Variants in LIN28B observed in about 807,000 individuals in gnomAD.
LIN28B encodes the protein protein lin-28 homolog B.
Under a neutral mutation model 21.9 loss-of-function variants are expected in LIN28B, and 5 were observed. The observed-to-expected ratio is 0.23, with a 90% confidence interval of 0.12 to 0.48. LIN28B has a LOEUF of 0.48. Among genes scored for constraint, LIN28B ranks in the 20% least tolerant of loss-of-function variants. LIN28B has a pLI of 0.98. For missense variants in LIN28B, 245 were observed against 310.5 expected (o/e 0.79, Z 1.58); for synonymous variants, 109 against 111.3 (o/e 0.98, Z 0.13).
At chr6:104,989,170 T>C (rs896595548) in intron 2 of LIN28B, among the ~76,000 whole-genome samples, 1 of 152,178 alleles carries the variant, frequency 6.6e-6, no homozygotes, top group African/African-American at 2.4e-5. Context: ...TATTTCTTGA[T>C]TTCTGCTCTT....
intron 2 of LIN28B, among the ~76,000 whole-genome samples, chr6:105,001,030 C>G (rs1770707913): frequency 1.3e-5 from 2 of 152,082 alleles, no homozygotes; most frequent in African/African-American, 4.8e-5. Context: ...TTTGTATTTT[C>G]AGTTTTTTAA....
chr6:105,041,132 G>GACA (rs1219930017), intron 3 of LIN28B, among the ~76,000 whole-genome samples: 2 of 151,462 alleles, frequency 1.3e-5, no homozygotes, highest in South Asian at 2.1e-4. Flanking sequence ...GGCTGTTCTT[G>GACA]AACTCCTGGG....
At chr6:105,032,287 A>C (rs1419931636) in intron 3 of LIN28B, among the ~76,000 whole-genome samples, 1 of 152,106 alleles carries the variant, frequency 6.6e-6, no homozygotes, top group African/African-American at 2.4e-5. Flanking sequence ...ATTGCTGCAT[A>C]ATAAGGTCAT....
chr6:104,962,231 T>C (rs1460842065), intron 2 of LIN28B, among the ~76,000 whole-genome samples: 1 of 152,108 alleles, frequency 6.6e-6, no homozygotes, highest in Non-Finnish European at 1.5e-5. Flanking sequence ...ATTTATTTCA[T>C]AATGTATGCA....
chr6:105,035,237 G>T (rs1350790128), intron 3 of LIN28B, among the ~76,000 whole-genome samples: 3 of 152,090 alleles, frequency 2.0e-5, no homozygotes, highest in African/African-American at 7.2e-5. Context: ...TTATATCCCA[G>T]ATTCTGTTCC....
At chr6:105,045,078 AG>A (rs1158001467) in intron 3 of LIN28B, among the ~76,000 whole-genome samples, 1 of 152,170 alleles carries the variant, frequency 6.6e-6, no homozygotes, top group Non-Finnish European at 1.5e-5. Flanking sequence ...TGTTAGGAGC[AG>A]TAATAGAAGA....
intron 2 of LIN28B, among the ~76,000 whole-genome samples, chr6:104,990,160 T>G (rs1252228589): frequency 6.6e-6 from 1 of 151,782 alleles, no homozygotes; most frequent in African/African-American, 2.4e-5. Context: ...CACATTTAAT[T>G]CCATAATGAT....
intron 2 of LIN28B, among the ~76,000 whole-genome samples, chr6:105,018,722 T>G (rs1442789813): frequency 6.6e-6 from 1 of 152,174 alleles, no homozygotes; most frequent in Non-Finnish European, 1.5e-5. Flanking sequence ...CCTTCCTTTC[T>G]TCCTTCCTCA....
intron 2 of LIN28B, among the ~76,000 whole-genome samples, chr6:105,020,090 T>G (rs1490026529): frequency 6.7e-6 from 1 of 150,246 alleles, no homozygotes; most frequent in East Asian, 2.0e-4. Flanking sequence ...TTCAGTTGAC[T>G]CCTTATTCCT....
At chr6:104,979,821 C>T (rs1049173967) in intron 2 of LIN28B, among the ~76,000 whole-genome samples, 7 of 152,132 alleles carry the variant, frequency 4.6e-5, no homozygotes, top group Non-Finnish European at 1.0e-4. Flanking sequence ...ATGAAGTATA[C>T]ATCTTTAAAA....
At chr6:104,991,296 CG>C (rs1480762541) in intron 2 of LIN28B, among the ~76,000 whole-genome samples, 1 of 150,684 alleles carries the variant, frequency 6.6e-6, no homozygotes, top group Non-Finnish European at 1.5e-5. Context: ...ACTTCTCGGA[CG>C]GGGCGGCTGC....
intron 2 of LIN28B, among the ~76,000 whole-genome samples, chr6:104,960,217 G>A (rs1769702325): frequency 6.6e-6 from 1 of 151,964 alleles, no homozygotes; most frequent in Non-Finnish European, 1.5e-5. Context: ...TTCTTATATT[G>A]TAATATACAT....
intron 3 of LIN28B, among the ~76,000 whole-genome samples, chr6:105,032,836 G>A (rs1365235809): frequency 6.6e-6 from 1 of 151,692 alleles, no homozygotes; most frequent in African/African-American, 2.4e-5. Flanking sequence ...ATGTATTTTT[G>A]TGTCACCCTC....
intron 2 of LIN28B, among the ~76,000 whole-genome samples, chr6:104,999,943 A>G (rs1770687432): frequency 6.6e-6 from 1 of 152,106 alleles, no homozygotes; most frequent in Non-Finnish European, 1.5e-5. Context: ...CGGCCTCCCA[A>G]AGTGCTGGGA....
chr6:104,974,683 T>C (rs987187465), intron 2 of LIN28B, among the ~76,000 whole-genome samples: 7 of 151,916 alleles, frequency 4.6e-5, no homozygotes, highest in African/African-American at 1.7e-4. Flanking sequence ...TTATACTTGT[T>C]GACTAGTTTG....
chr6:105,021,175 C>T (rs965115242), intron 2 of LIN28B, among the ~76,000 whole-genome samples: 1 of 151,686 alleles, frequency 6.6e-6, no homozygotes, highest in Non-Finnish European at 1.5e-5. Flanking sequence ...ACCTGCAGTC[C>T]GTTAATGTTG....
At chr6:104,978,533 C>T (rs1382163461) in intron 2 of LIN28B, among the ~76,000 whole-genome samples, 1 of 150,396 alleles carries the variant, frequency 6.6e-6, no homozygotes, top group Non-Finnish European at 1.5e-5. Flanking sequence ...AGTGTCTGGT[C>T]CAGTGTCTGA....
rs1259067708 is a variant in LIN28B at position 105,079,920 on chromosome 6, A to G, written c.*1137A>G. On this transcript the variant is annotated 3_prime_UTR_variant, in exon 4 of 4. Transcript: ENST00000345080. ...GGATGTTCACAGTTGCCCAATATAT[A>G]TGACCTGCAAATGATACGAAAAAGT... 6.6e-6 allele frequency: 1 copy of G among 152,206 alleles called. No homozygotes were observed. Among genetic ancestry groups the G allele is most frequent in the African/African-American group, 2.4e-5 (1 of 41,458 alleles). The allele number at this position is 152,206 out of a possible 1,614,324, so 9.4% of individuals were successfully genotyped here. A position where few individuals can be genotyped will look rare whatever the true frequency, so the allele number is the denominator to read the frequency against.
intron 3 of LIN28B, among the ~76,000 whole-genome samples, chr6:105,038,036 T>A (rs1420293326): frequency 2.0e-5 from 3 of 152,162 alleles, no homozygotes; most frequent in Non-Finnish European, 4.4e-5. Context: ...ATTCCTGTGA[T>A]CTTAGGTTTG....
Sources: allele counts gnomAD v4.1 joint callset (sites outside exome capture counted in the v4.1 genomes callset), GRCh38; gene constraint gnomAD v4.1.1; transcripts MANE v1.5; gene names NCBI Gene and HGNC (gene_info 2026-07-23, HGNC 2026-07-21).